The following SCRT1 variants were observed in gnomAD, a reference collection of about 807,000 sequenced individuals.
The protein encoded by SCRT1 is transcriptional repressor scratch 1.
SCRT1 carries 1 observed loss-of-function variant against 3.4 expected under a neutral mutation model. The observed-to-expected ratio is 0.29, with a 90% confidence interval of 0.10 to 1.39. The LOEUF (loss-of-function observed/expected upper bound fraction) is 1.39, where lower values mean the gene tolerates loss of function less well. SCRT1 is among the 40% of genes most tolerant of loss of function. SCRT1 has a pLI of 0.42. For missense variants in SCRT1, 380 were observed against 526.3 expected (o/e 0.72, Z 2.72); for synonymous variants, 238 against 247.0 (o/e 0.96, Z 0.34).
At position 144,336,448 on chromosome 8, in the gene SCRT1, T is replaced by C. The variant is rs1401469414; in HGVS notation, c.-279A>G. Reference sequence around the variant, plus strand: ...TCTTCTCTCCTCTCCTCTTCCTTCCTTCCCTCCTCTGGTCCCGGCTTCCCA... The same window carrying C: ...TCTTCTCTCCTCTCCTCTTCCTTCCCTCCCTCCTCTGGTCCCGGCTTCCCA... On this transcript the variant is annotated 5_prime_UTR_variant, in exon 1 of 2. Transcript: ENST00000569446. The surrounding 1 kb of genome is among the most constrained non-coding windows in gnomAD (Gnocchi z 6.8). 3.3e-5 allele frequency among the ~76,000 whole-genome samples: 5 copies of C among 151,878 alleles called. No individual in the cohort carries two copies. The highest frequency in any genetic ancestry group is 1.2e-4 in the African/African-American group (5 of 41,410).
chr8:144,336,063 T>C lies in SCRT1; in HGVS notation c.107A>G (p.His36Arg). Residue 36 changes from histidine to arginine, a missense_variant, in exon 1 of 2, where the codon CAC becomes CGC. Around this residue, in one of 5 missense-constraint regions of SCRT1, gnomAD observed 125 missense variants for 132.7 expected, o/e 0.94. Coordinates refer to ENST00000569446, the MANE Select transcript of SCRT1 (RefSeq NM_031309.6). This position sits in a 1 kb window ranked among gnomAD's most constrained non-coding sequence, Gnocchi z 6.8. ...RARSDLGAPL[H>R]DKGYLSDYVG... ...CTCAGACCAGCGCTCACCTTTATCG[T>C]GCAGTGGCGCGCCGAGGTCGCTGCG... The C allele has an allele frequency of 6.2e-7, 1 of 1,603,210 alleles. No homozygotes were observed. The highest frequency in any genetic ancestry group is 8.5e-7 in the Non-Finnish European group (1 of 1,175,010).
In SCRT1 at chr8:144,332,964, G is replaced by A. The variant is rs2130569433; in HGVS notation, c.*221C>T. On this transcript the variant is annotated 3_prime_UTR_variant, in exon 2 of 2. Transcript: ENST00000569446. ...GGAGAAAGCCGGGGGCACCCTGGAG[G>A]GGAGGGGAGGGGGCTCGGGGTGGGT... 1 of 497,768 alleles carries A rather than the reference G, an allele frequency of 2.0e-6. No individual in the cohort carries two copies. Among genetic ancestry groups the A allele is most frequent in the Non-Finnish European group, 3.5e-6 (1 of 284,724 alleles). The allele number at this position is 497,768 out of a possible 1,614,324, so 30.8% of individuals were successfully genotyped here.
In SCRT1 at chr8:144,333,530, C is replaced by T. The variant is rs1554849883; in HGVS notation, c.702G>A (p.Met234Ile). 2 of 1,607,664 alleles carry T rather than the reference C, an allele frequency of 1.2e-6. No homozygotes were observed. Among genetic ancestry groups the T allele is most frequent in the Non-Finnish European group, 1.7e-6 (2 of 1,178,412 alleles). Reference sequence around the variant, plus strand: ...TGAGCAGGTGCATGGCCATGGCCGGCATGGACACGTACACCTTGCCGCACG... The same window carrying T: ...TGAGCAGGTGCATGGCCATGGCCGGTATGGACACGTACACCTTGCCGCACG... ...CPTCGKVYVS[M>I]PAMAMHLLTH... Residue 234 changes from methionine (M) to isoleucine (I), a missense_variant, in exon 2 of 2, where the codon ATG (methionine) becomes ATA (isoleucine). By Grantham distance (10) the Met-to-Ile change is conservative. Coordinates refer to ENST00000569446, the MANE Select transcript of SCRT1 (RefSeq NM_031309.6).
intron 1 of SCRT1, 114 bp from the exon 2 acceptor site, chr8:144,334,230 G>C (rs889610697): frequency 6.2e-6 from 5 of 811,656 alleles, no homozygotes; most frequent in African/African-American, 1.8e-5. Context: ...GGGTCCGGGA[G>C]AGAGGCGAAC....
Position 144,333,496 on chromosome 8 carries a change from G to A in SCRT1, c.736C>T (p.Leu246=). 3 of 1,605,268 alleles carry A rather than the reference G, an allele frequency of 1.9e-6. No homozygotes were observed. The highest frequency in any genetic ancestry group is 1.8e-4 in the Middle Eastern group (1 of 5,636). The change falls in exon 2 of 2, where the codon CTG becomes TTG. Residue 246 remains leucine, a synonymous_variant. Transcript: ENST00000569446. Reference sequence around the variant, plus strand: ...CCGCACACGCCGCACTTGTGGCGCAGGTCGTGCGTGAGCAGGTGCATGGCC... The same window carrying A: ...CCGCACACGCCGCACTTGTGGCGCAAGTCGTGCGTGAGCAGGTGCATGGCC... ...AMAMHLLTHD[L]RHKCGVCGKA...
rs782773938 is a variant in SCRT1 at position 144,333,332 on chromosome 8, G to A, written c.900C>T (p.Ala300=). 25 of 1,612,588 alleles carry A rather than the reference G, an allele frequency of 1.6e-5. 1 individual carries two copies. The East Asian group carries it at 2.2e-4, about 14-fold the overall frequency. ...AGCGCTTGCACTGGAAGTGCTTGAAGGCCGAATGCGTCTGCATGTGCGCGC... is the reference window on the plus strand; with the variant it reads ...AGCGCTTGCACTGGAAGTGCTTGAAAGCCGAATGCGTCTGCATGTGCGCGC... ...NLRAHMQTHS[A]FKHFQCKRCK... The change falls in exon 2 of 2, where the codon GCC becomes GCT. Residue 300 remains alanine, a synonymous_variant. Coordinates refer to ENST00000569446, the MANE Select transcript of SCRT1 (RefSeq NM_031309.6).
At position 144,334,204 on chromosome 8, in the gene SCRT1, G is replaced by A. The variant is rs1347374278; in HGVS notation, c.116-88C>T. The A allele has an allele frequency of 6.3e-6, 6 of 948,382 alleles. No individual in the cohort carries two copies. In the African/African-American group the frequency reaches 6.9e-5, roughly 11 times the overall value. 58.7% of individuals were successfully genotyped at this position (948,382 alleles called of 1,614,324 possible). On this transcript the variant is annotated intron_variant, in intron 1 of 1. Coordinates refer to ENST00000569446, the MANE Select transcript of SCRT1 (RefSeq NM_031309.6). Reference sequence around the variant, plus strand: ...GATGGGGGGGCGGGAGACAGCAGACGCGGACCGGGAGACCCGGGTCCGGGA... The same window carrying A: ...GATGGGGGGGCGGGAGACAGCAGACACGGACCGGGAGACCCGGGTCCGGGA...
At position 144,336,226 on chromosome 8, in the gene SCRT1, C is replaced by T. The variant is rs931473336; in HGVS notation, c.-57G>A. The T allele has an allele frequency of 1.1e-5, 14 of 1,311,462 alleles. No individual in the cohort carries two copies. The African/African-American group carries it at 1.7e-4, about 16-fold the overall frequency. 81.2% of individuals were successfully genotyped at this position (1,311,462 alleles called of 1,614,324 possible). A position where few individuals can be genotyped will look rare whatever the true frequency, so the allele number is the denominator to read the frequency against. ...GCGGAGCCGGGGCTTGGGGGGGCTG[C>T]GGCGGCAGGGCCCCGTCACCATCCG... On this transcript the variant is annotated 5_prime_UTR_variant, in exon 1 of 2. Transcript: ENST00000569446. The surrounding 1 kb of genome is among the most constrained non-coding windows in gnomAD (Gnocchi z 6.8).
chr8:144,335,985 C>A lies in SCRT1; in HGVS notation c.115+70G>T. 1 of 1,114,656 alleles carries A rather than the reference C, an allele frequency of 9.0e-7. No homozygotes were observed. The highest frequency in any genetic ancestry group is 1.3e-6 in the Non-Finnish European group (1 of 796,294). The allele number at this position is 1,114,656 out of a possible 1,614,324, so 69.0% of individuals were successfully genotyped here. On this transcript the variant is annotated intron_variant, in intron 1 of 1. Transcript: ENST00000569446. The surrounding 1 kb of genome is among the most constrained non-coding windows in gnomAD (Gnocchi z 7.7). ...TTCCCCGGGCCCTGCCCTCCGCCCCCACACTCTGGCCCTCCACCGCTTCCA... is the reference window on the plus strand; with the variant it reads ...TTCCCCGGGCCCTGCCCTCCGCCCCAACACTCTGGCCCTCCACCGCTTCCA...
In SCRT1 at chr8:144,333,878, G is replaced by A. The variant is rs1554849996; in HGVS notation, c.354C>T (p.Phe118=). 1.6e-5 allele frequency: 21 copies of A among 1,282,108 alleles called. No individual in the cohort carries two copies. The highest frequency in any genetic ancestry group is 1.9e-5 in the Non-Finnish European group (19 of 1,015,118). The allele number at this position is 1,282,108 out of a possible 1,614,324, so 79.4% of individuals were successfully genotyped here. A position where few individuals can be genotyped will look rare whatever the true frequency, so the allele number is the denominator to read the frequency against. ...VSEGYAADAF[F]ITDGRSRRKA... Reference sequence around the variant, plus strand: ...TACGCCGCGAGCGCCCGTCGGTGATGAAGAAGGCGTCCGCCGCGTAGCCCT... The same window carrying A: ...TACGCCGCGAGCGCCCGTCGGTGATAAAGAAGGCGTCCGCCGCGTAGCCCT... Residue 118 remains phenylalanine, a synonymous_variant, in exon 2 of 2, where the codon TTC becomes TTT. Transcript: ENST00000569446.
Position 144,333,714 on chromosome 8 carries a change from C to A in SCRT1, c.518G>T (p.Gly173Val). ...CCCCGCGCGCGCCTCGGTGCCTGCC[C>A]CCGCGCGCGTGCCGCCCCGGCCCCC... ...GPGGRGGTRAGAGTEARAGPG... is the reference protein window; with the variant it reads ...GPGGRGGTRAVAGTEARAGPG... Residue 173 changes from glycine (G) to valine (V), a missense_variant, in exon 2 of 2, where the codon GGG becomes GTG. Around this residue, in one of 5 missense-constraint regions of SCRT1, gnomAD observed 115 missense variants for 107.3 expected, o/e 1.07. Transcript: ENST00000569446. 8.8e-7 allele frequency: 1 copy of A among 1,142,498 alleles called. No individual in the cohort carries two copies. Among genetic ancestry groups the A allele is most frequent in the South Asian group, 4.2e-5 (1 of 23,620 alleles). 70.8% of individuals were successfully genotyped at this position (1,142,498 alleles called of 1,614,324 possible).
chr8:144,333,214 G>A lies in SCRT1; in HGVS notation c.1018C>T (p.Pro340Ser). ...GGAGGPAAPA[P>S]PQLSPVQA ...GCCTGCACAGGGCTGAGCTGTGGCG[G>A]CGCAGGAGCCGCGGGGCCTCCGGCG... The change falls in exon 2 of 2, where the codon CCG becomes TCG. Residue 340 changes from proline (P) to serine (S), a missense_variant. Transcript: ENST00000569446. 6.3e-7 allele frequency: 1 copy of A among 1,582,756 alleles called. No homozygotes were observed. Among genetic ancestry groups the A allele is most frequent in the African/African-American group, 1.3e-5 (1 of 74,638 alleles).
At chr8:144,334,574 G>C (rs1011081272) in intron 1 of SCRT1, among the ~76,000 whole-genome samples, 40 of 150,330 alleles carry the variant, frequency 2.7e-4, no homozygotes, top group African/African-American at 9.5e-4. Flanking sequence ...CAGGACTGCC[G>C]GCCCAGGGAC....
At position 144,335,400 on chromosome 8, in the gene SCRT1, T is replaced by A. The variant is rs145327244; in HGVS notation, c.115+655A>T. On this transcript the variant is annotated intron_variant, in intron 1 of 1. Coordinates refer to ENST00000569446, the MANE Select transcript of SCRT1 (RefSeq NM_031309.6). The surrounding 1 kb of genome is among the most constrained non-coding windows in gnomAD (Gnocchi z 7.7). The stretch of plus-strand genomic sequence containing the variant: ...CCACCCCATGCTGCTGGCACTCCTG[T>A]CCCCCTCTCCTGCATGCTGACAGTT... Among the ~76,000 whole-genome samples, 1,982 of 152,180 alleles carry A rather than the reference T, an allele frequency of 0.013. 29 individuals are homozygous for A. The highest frequency in any genetic ancestry group is 0.02 in the Non-Finnish European group (1,346 of 67,988).
rs1317064161 is a variant in SCRT1, at chr8:144,336,417, C to T, written c.-248G>A. ...TCCTTCCTTCAATCCTTCCTTCCTTCTCTCCTCTTCTCTCCTCTCCTCTTC... is the reference window on the plus strand; with the variant it reads ...TCCTTCCTTCAATCCTTCCTTCCTTTTCTCCTCTTCTCTCCTCTCCTCTTC... On this transcript the variant is annotated 5_prime_UTR_variant, in exon 1 of 2. Transcript: ENST00000569446. This position sits in a 1 kb window ranked among gnomAD's most constrained non-coding sequence, Gnocchi z 6.8. 1.3e-5 allele frequency: 5 copies of T among 389,418 alleles called. No individual in the cohort carries two copies. Among genetic ancestry groups the T allele is most frequent in the Non-Finnish European group, 2.4e-5 (5 of 212,592 alleles). 24.1% of individuals were successfully genotyped at this position (389,418 alleles called of 1,614,324 possible).
rs1483963807 is a variant in SCRT1, at chr8:144,333,388, C to G, written c.844G>C (p.Gly282Arg). The G allele has an allele frequency of 1.2e-6, 2 of 1,607,552 alleles. No homozygotes were observed. The highest frequency in any genetic ancestry group is 1.7e-6 in the Non-Finnish European group (2 of 1,178,200). The change falls in exon 2 of 2, where the codon GGC becomes CGC. Residue 282 changes from glycine to arginine, a missense_variant. By Grantham distance (125) the Gly-to-Arg change is moderately radical. This residue lies in a region of SCRT1 where 56 missense variants were observed against 169.3 expected (regional missense o/e 0.33). Coordinates refer to ENST00000569446, the MANE Select transcript of SCRT1 (RefSeq NM_031309.6). ...GEKPFGCAHCGKAFADRSNLR... is the reference protein window; with the variant it reads ...GEKPFGCAHCRKAFADRSNLR... The stretch of plus-strand genomic sequence containing the variant: ...TTGGAGCGGTCGGCGAAGGCCTTGC[C>G]GCAGTGCGCGCAGCCGAAGGGTTTC...
chr8:144,334,067 G>C lies in SCRT1; in HGVS notation c.165C>G (p.Ala55=), dbSNP rs1173449287. ...ACGGCCCTTTGAGCAGCGCAGCCTC[G>C]GCGTCGCCATCGTAGACGGACGAGG... ...VGPSSVYDGD[A]EAALLKGPSP... Residue 55 remains alanine, a synonymous_variant, in exon 2 of 2, where the codon GCC becomes GCG. Transcript: ENST00000569446. 1 of 1,536,948 alleles carries C rather than the reference G, an allele frequency of 6.5e-7. No homozygotes were observed. Among genetic ancestry groups the C allele is most frequent in the Non-Finnish European group, 8.7e-7 (1 of 1,144,622 alleles).
rs1211212809 is a variant in SCRT1, at chr8:144,332,034, C to T, written c.*1151G>A. ...GCGAAAGTTGGCAACCGAGTGGGGG[C>T]GGGGCCTGGGTCTCAGGGGCGGGGC... On this transcript the variant is annotated 3_prime_UTR_variant, in exon 2 of 2. Transcript: ENST00000569446. 7.3e-6 allele frequency: 1 copy of T among 136,508 alleles called. No homozygotes were observed. The highest frequency in any genetic ancestry group is 7.3e-5 in the Admixed American group (1 of 13,744). 8.5% of individuals were successfully genotyped at this position (136,508 alleles called of 1,614,324 possible).
chr8:144,333,323 G>A lies in SCRT1; in HGVS notation c.909C>T (p.His303=), dbSNP rs1817824286. 1 of 1,612,890 alleles carries A rather than the reference G, an allele frequency of 6.2e-7. No homozygotes were observed. Among genetic ancestry groups the A allele is most frequent in the African/African-American group, 1.3e-5 (1 of 75,060 alleles). Residue 303 remains histidine, a synonymous_variant, in exon 2 of 2, where the codon CAC becomes CAT. Coordinates refer to ENST00000569446, the MANE Select transcript of SCRT1 (RefSeq NM_031309.6). ...TCTTCTTGCAGCGCTTGCACTGGAA[G>A]TGCTTGAAGGCCGAATGCGTCTGCA... The part of the protein sequence containing the change: ...AHMQTHSAFK[H]FQCKRCKKSF...
Sources: gnomAD v4.1 joint callset for allele counts (sites outside exome capture counted in the v4.1 genomes callset) on GRCh38, gnomAD v4.1.1 for gene constraint, gnomAD v4.1.1 regional missense constraint, Gnocchi (gnomAD v3.1) non-coding constraint, MANE v1.5 for transcripts, NCBI Gene and HGNC (gene_info 2026-07-23, HGNC 2026-07-21) for gene names.